The following ATP8B1 variants were observed in gnomAD, a reference collection of about 807,000 sequenced individuals.
ATP8B1 encodes the protein phospholipid-transporting ATPase IC.
Under a neutral mutation model 149.9 loss-of-function variants are expected in ATP8B1, and 80 were observed. The ratio of observed to expected loss-of-function variants is 0.53; its 90% confidence interval spans 0.45 to 0.64. The LOEUF (loss-of-function observed/expected upper bound fraction) is 0.64, where lower values mean the gene tolerates loss of function less well. ATP8B1 is among the 30% of genes least tolerant of loss of function. ATP8B1 has a pLI of 0.00. For synonymous variants in ATP8B1, 536 were observed against 562.8 expected (o/e 0.95, Z 0.67); for missense variants, 1,247 against 1,552.6 (o/e 0.80, Z 3.31).
chr18:57,696,722 G>C (rs1389161279), intron 8 of ATP8B1, among the ~76,000 whole-genome samples: 3 of 152,152 alleles, frequency 2.0e-5, no homozygotes, highest in African/African-American at 7.2e-5. Flanking sequence ...ACCACTTACT[G>C]TGTGACCTTG....
At chr18:57,753,205 A>G (rs1046656511) in intron 1 of ATP8B1, among the ~76,000 whole-genome samples, 1 of 152,192 alleles carries the variant, frequency 6.6e-6, no homozygotes, top group African/African-American at 2.4e-5. Flanking sequence ...GCTTTCCTCA[A>G]AGTATACTCA....
At chr18:57,783,086 T>C (rs1367871525) in intron 1 of ATP8B1, among the ~76,000 whole-genome samples, 1 of 152,108 alleles carries the variant, frequency 6.6e-6, no homozygotes, top group Non-Finnish European at 1.5e-5. Context: ...GTGCTGGGAT[T>C]ACAGGCGTGA....
intron 1 of ATP8B1, among the ~76,000 whole-genome samples, chr18:57,756,236 C>CACACACATATAT: frequency 9.4e-6 from 1 of 106,158 alleles, no homozygotes; most frequent in East Asian, 2.1e-4. Context: ...CACACACACA[C>CACACACATATAT]ATATATACAC....
chr18:57,733,446 C>T (rs2123154909), intron 1 of ATP8B1, among the ~76,000 whole-genome samples: 1 of 152,242 alleles, frequency 6.6e-6, no homozygotes, highest in African/African-American at 2.4e-5. Flanking sequence ...GTGGCTCACA[C>T]CTGTAATCCC....
At chr18:57,678,832 C>T (rs1277991446) in intron 15 of ATP8B1, among the ~76,000 whole-genome samples, 1 of 39,928 alleles carries the variant, frequency 2.5e-5, no homozygotes, top group African/African-American at 6.9e-5. Flanking sequence ...CGCATAAACC[C>T]GGGAGGCAGA....
chr18:57,698,125 TGTGC>T (rs1161815425), intron 6 of ATP8B1, among the ~76,000 whole-genome samples: 1 of 152,170 alleles, frequency 6.6e-6, no homozygotes, highest in Non-Finnish European at 1.5e-5. Context: ...GGGCCACTTA[TGTGC>T]GTGGCAGGGA....
chr18:57,716,947 C>T (rs1436561073), intron 2 of ATP8B1, among the ~76,000 whole-genome samples: 1 of 149,860 alleles, frequency 6.7e-6, no homozygotes, highest in Non-Finnish European at 1.5e-5. Context: ...TTAAAACATT[C>T]AAATAAATTG....
chr18:57,690,226 G>T (rs1912465785), intron 12 of ATP8B1, among the ~76,000 whole-genome samples: 1 of 152,228 alleles, frequency 6.6e-6, no homozygotes, highest in African/African-American at 2.4e-5. Flanking sequence ...AGAGAAAAGA[G>T]CAGGGACAAA....
At chr18:57,783,690 G>A (rs1183369637) in intron 1 of ATP8B1, among the ~76,000 whole-genome samples, 2 of 152,062 alleles carry the variant, frequency 1.3e-5, no homozygotes, top group Non-Finnish European at 2.9e-5. Context: ...ACAAAAATTA[G>A]CCAGGCATGG....
rs760612598 is a variant in ATP8B1, at chr18:57,668,409, T to C, written c.2209+20A>G. ...AATATTTGTGAATTAACAGATATGC[T>C]TCCCTGCACAATGAATTACCCTTTT... On this transcript the variant is annotated intron_variant, in intron 19 of 27. Coordinates refer to ENST00000648908, the MANE Select transcript of ATP8B1 (RefSeq NM_001374385.1). 3 of 1,558,020 alleles carry C rather than the reference T, an allele frequency of 1.9e-6. No homozygotes were observed. The East Asian group carries it at 6.7e-5, about 35-fold the overall frequency.
chr18:57,649,783 C>A (rs558793077), intron 27 of ATP8B1, among the ~76,000 whole-genome samples: 7 of 152,110 alleles, frequency 4.6e-5, no homozygotes, highest in African/African-American at 1.7e-4. Flanking sequence ...TATCTCCCCC[C>A]GACACTGATA....
At chr18:57,801,579 G>A (rs1047325623) in intron 1 of ATP8B1, among the ~76,000 whole-genome samples, 1 of 152,128 alleles carries the variant, frequency 6.6e-6, no homozygotes, top group Admixed American at 6.6e-5. Flanking sequence ...TTGCTGTCGT[G>A]TCCCCCATAT....
chr18:57,762,034 C>G (rs2080162815), intron 1 of ATP8B1, among the ~76,000 whole-genome samples: 2 of 151,554 alleles, frequency 1.3e-5, no homozygotes, highest in African/African-American at 4.9e-5. Context: ...ATCCTTTCAG[C>G]CCCGTGCCTT....
At chr18:57,757,850 CAT>C (rs2080100264) in intron 1 of ATP8B1, among the ~76,000 whole-genome samples, 1 of 152,202 alleles carries the variant, frequency 6.6e-6, no homozygotes, top group Non-Finnish European at 1.5e-5. Flanking sequence ...GAGCATATCT[CAT>C]AGAATACTGT....
At chr18:57,732,165 ATATATGTATATATGTG>A (rs2079778994) in intron 1 of ATP8B1, 7 of 101,566 alleles carry the variant, frequency 6.9e-5, no homozygotes, top group African/African-American at 2.6e-4. Flanking sequence ...ATATATATGT[ATATATGTATATATGTG>A]TATATATGTA....
At chr18:57,680,940 C>T (rs1186681313) in intron 15 of ATP8B1, among the ~76,000 whole-genome samples, 2 of 152,152 alleles carry the variant, frequency 1.3e-5, no homozygotes, top group East Asian at 1.9e-4. Context: ...AGGCGGGAGT[C>T]TGCAATGGCC....
At chr18:57,680,610 CAAAACAAAA>C (rs929965176) in intron 15 of ATP8B1, among the ~76,000 whole-genome samples, 23 of 143,482 alleles carry the variant, frequency 1.6e-4, no homozygotes, top group African/African-American at 5.7e-4. Flanking sequence ...CAAAACAAAA[CAAAACAAAA>C]AAAAAACCAC....
At chr18:57,718,787 T>C (rs982959004) in intron 2 of ATP8B1, among the ~76,000 whole-genome samples, 1 of 152,356 alleles carries the variant, frequency 6.6e-6, no homozygotes, top group Non-Finnish European at 1.5e-5. Context: ...ATCATTTCAA[T>C]TGATGCTGAA....
intron 11 of ATP8B1, among the ~76,000 whole-genome samples, chr18:57,692,715 G>A (rs1188962419): frequency 1.3e-5 from 2 of 151,916 alleles, no homozygotes; most frequent in Non-Finnish European, 2.9e-5. Context: ...GATTACAGGT[G>A]GCCCTCACCC....
Sources: gnomAD v4.1 joint callset for allele counts (sites outside exome capture counted in the v4.1 genomes callset) on GRCh38, gnomAD v4.1.1 for gene constraint, MANE v1.5 for transcripts, NCBI Gene and HGNC (gene_info 2026-07-23, HGNC 2026-07-21) for gene names.